Variants in TMEM63A observed in about 807,000 individuals in gnomAD.
The protein encoded by TMEM63A is mechanosensitive cation channel TMEM63A.
A neutral mutation model predicts 100.6 loss-of-function variants in TMEM63A; 76 were observed. That is an observed-to-expected ratio of 0.76 (90% confidence interval 0.63 to 0.91). The LOEUF is 0.91. Among genes scored for constraint, TMEM63A ranks in the 40% least tolerant of loss-of-function variants. The probability of loss-of-function intolerance (pLI) is 0.00; values close to 1 mark genes in which losing one functional copy is unlikely to be tolerated. For missense variants in TMEM63A, 876 were observed against 1,008.8 expected (o/e 0.87, Z 1.78); for synonymous variants, 401 against 401.1 (o/e 1.00, Z 0.00).
intron 18 of TMEM63A, among the ~76,000 whole-genome samples, chr1:225,854,935 G>T (rs1258060804): frequency 6.6e-6 from 1 of 152,172 alleles, no homozygotes; most frequent in Admixed American, 6.5e-5. Context: ...GAGGAGGAAG[G>T]CTCGGATAAA....
At chr1:225,841,191 T>G (rs2102767817), downstream of TMEM63A, 1 of 152,364 alleles carries the variant, frequency 6.6e-6, no homozygotes, top group Non-Finnish European at 1.5e-5. Context: ...TTAAGTCCTA[T>G]GAATAGAATC....
intron 2 of TMEM63A, among the ~76,000 whole-genome samples, chr1:225,878,828 A>G (rs1057141895): frequency 6.6e-6 from 1 of 151,748 alleles, no homozygotes; most frequent in Non-Finnish European, 1.5e-5. Flanking sequence ...GGTAACCCCT[A>G]GGCCTAGAGT....
downstream of TMEM63A, chr1:225,844,486 C>T (rs1023739056): frequency 1.5e-5 from 25 of 1,613,980 alleles, no homozygotes; most frequent in Middle Eastern, 9.9e-4. Context: ...GCTTTGTGTT[C>T]TGCGTTCCCA....
At chr1:225,866,541 C>A (rs1474886935) in intron 9 of TMEM63A, 33 bp downstream of exon 9, 2 of 1,600,478 alleles carry the variant, frequency 1.2e-6, no homozygotes, top group Admixed American at 1.7e-5. Context: ...TGAGTCCCTC[C>A]CAGCACATGT....
chr1:225,881,353 C>A (rs1325308326), intron 1 of TMEM63A, among the ~76,000 whole-genome samples: 1 of 151,994 alleles, frequency 6.6e-6, no homozygotes, highest in Non-Finnish European at 1.5e-5. Flanking sequence ...CCAAACAACA[C>A]CTGTAAAGCA....
intron 18 of TMEM63A, among the ~76,000 whole-genome samples, chr1:225,854,354 G>A (rs1424378874): frequency 6.6e-6 from 1 of 152,176 alleles, no homozygotes; most frequent in East Asian, 1.9e-4. Flanking sequence ...AATGGGGTCA[G>A]GGAGACTACA....
intron 13 of TMEM63A, chr1:225,861,209 G>A (rs1669917101): frequency 2.4e-6 from 1 of 425,442 alleles, no homozygotes; most frequent in Non-Finnish European, 4.1e-6. Flanking sequence ...CAGCAACAAA[G>A]GGAGTACGAT....
At chr1:225,850,683 G>A (rs776722360) in intron 20 of TMEM63A, among the ~76,000 whole-genome samples, 8 of 152,262 alleles carry the variant, frequency 5.3e-5, no homozygotes, top group East Asian at 3.9e-4. Flanking sequence ...CCCCTTAGCC[G>A]CACTGACAGG....
At chr1:225,875,529 ACT>A (rs1346781653) in intron 3 of TMEM63A, among the ~76,000 whole-genome samples, 1 of 152,212 alleles carries the variant, frequency 6.6e-6, no homozygotes, top group Non-Finnish European at 1.5e-5. Context: ...CCCCAGAGGC[ACT>A]GAGTTCTCGT....
chr1:225,853,375 G>A lies in TMEM63A; in HGVS notation c.1797+254C>T, dbSNP rs1054746254. Among the ~76,000 whole-genome samples the A allele has an allele frequency of 2.6e-5, 4 of 152,228 alleles. No homozygotes were observed. Among genetic ancestry groups the A allele is most frequent in the Non-Finnish European group, 5.9e-5 (4 of 68,046 alleles). On this transcript the variant is annotated intron_variant, in intron 19 of 24. Coordinates refer to ENST00000366835, the MANE Select transcript of TMEM63A (RefSeq NM_014698.3). This position sits in a 1 kb window ranked among gnomAD's most constrained non-coding sequence, Gnocchi z 4.0. Reference sequence around the variant, plus strand: ...GTTGGTTTGAGTTGTATGTATGTATGTGTGCGATCAAACCGTTTCAAATGC... The same window carrying A: ...GTTGGTTTGAGTTGTATGTATGTATATGTGCGATCAAACCGTTTCAAATGC...
chr1:225,856,894 G>A lies in TMEM63A; in HGVS notation c.1484+17C>T. On this transcript the variant is annotated intron_variant, in intron 16 of 24. Coordinates refer to ENST00000366835, the MANE Select transcript of TMEM63A (RefSeq NM_014698.3). ...ATCCTTCTTAGGGGCAGGGCCTCGGGGCTCCCGGGCACTCACTTGGTCCAG... is the reference window on the plus strand; with the variant it reads ...ATCCTTCTTAGGGGCAGGGCCTCGGAGCTCCCGGGCACTCACTTGGTCCAG... The A allele has an allele frequency of 1.9e-6, 3 of 1,608,116 alleles. No individual in the cohort carries two copies. The highest frequency in any genetic ancestry group is 2.5e-6 in the Non-Finnish European group (3 of 1,177,422).
chr1:225,845,330 G>T, downstream of TMEM63A: 6 of 1,610,908 alleles, frequency 3.7e-6, no homozygotes, highest in Non-Finnish European at 5.1e-6. Flanking sequence ...GTTCCTGTCG[G>T]TGCTGGAGCG....
downstream of TMEM63A, among the ~76,000 whole-genome samples, chr1:225,843,017 C>T (rs1668558187): frequency 6.6e-6 from 1 of 152,214 alleles, no homozygotes; most frequent in African/African-American, 2.4e-5. Flanking sequence ...CCTTCAGTGA[C>T]ACACAGGACC....
intron 10 of TMEM63A, chr1:225,863,216 T>C (rs1318294075): frequency 4.1e-6 from 1 of 243,208 alleles, no homozygotes; most frequent in Non-Finnish European, 8.2e-6. Flanking sequence ...ACCAGGCTGA[T>C]TTTTATTTTT....
At position 225,862,144 on chromosome 1, in the gene TMEM63A, C is replaced by T. The variant is rs528939547; in HGVS notation, c.1085+74G>A. On this transcript the variant is annotated intron_variant, in intron 13 of 24. Coordinates refer to ENST00000366835, the MANE Select transcript of TMEM63A (RefSeq NM_014698.3). This position sits in a 1 kb window ranked among gnomAD's most constrained non-coding sequence, Gnocchi z 5.1. ...GTGGGTCAGCAGTACCATCTCCACTCGAGAGGGACAGTGAGTTATCTGGAG... is the reference window on the plus strand; with the variant it reads ...GTGGGTCAGCAGTACCATCTCCACTTGAGAGGGACAGTGAGTTATCTGGAG... 6 of 1,584,508 alleles carry T rather than the reference C, an allele frequency of 3.8e-6. No homozygotes were observed. The highest frequency in any genetic ancestry group is 3.4e-5 in the Admixed American group (2 of 58,522).
chr1:225,847,802 G>A (rs762139698), intron 23 of TMEM63A, among the ~76,000 whole-genome samples: 3 of 152,160 alleles, frequency 2.0e-5, no homozygotes, highest in Non-Finnish European at 2.9e-5. Flanking sequence ...TTTGGAACTT[G>A]TCCAAGGACA....
chr1:225,852,773 G>C lies in TMEM63A; in HGVS notation c.1798-4C>G. ...ACTCGTACTGGAAGGCCTGGTTCTG[G>C]GAGGAGGAGGTGGTGAGGAGCTCAT... On this transcript the variant is annotated splice_region_variant and splice_polypyrimidine_tract_variant and intron_variant, in intron 19 of 24. Coordinates refer to ENST00000366835, the MANE Select transcript of TMEM63A (RefSeq NM_014698.3). 6.2e-7 allele frequency: 1 copy of C among 1,613,626 alleles called. No individual in the cohort carries two copies. The highest frequency in any genetic ancestry group is 8.5e-7 in the Non-Finnish European group (1 of 1,179,684).
At position 225,854,682 on chromosome 1, in the gene TMEM63A, C is replaced by A. The variant is rs1674537138; in HGVS notation, c.1635-891G>T. Among the ~76,000 whole-genome samples the A allele has an allele frequency of 2.6e-5, 4 of 152,284 alleles. No individual in the cohort carries two copies. The South Asian group carries it at 8.3e-4, about 32-fold the overall frequency. ...GAGTTTGAGGTGGGCAGTTGGGTTA[C>A]CAGCCTGGAGGTGCAGGCTAGAGGC... On this transcript the variant is annotated intron_variant, in intron 18 of 24. Transcript: ENST00000366835.
At position 225,876,664 on chromosome 1, in the gene TMEM63A, T is replaced by C. The variant is rs577250272; in HGVS notation, c.186+731A>G. Among the ~76,000 whole-genome samples, 749 of 150,964 alleles carry C rather than the reference T, an allele frequency of 5.0e-3. 5 individuals are homozygous for C. The highest frequency in any genetic ancestry group is 0.017 in the African/African-American group (709 of 41,336). The stretch of plus-strand genomic sequence containing the variant: ...CTTTTTTTTGTTTTTTTGGTTTTTT[T>C]TGAGACAGCGTCTCGCTCTTGTTGC... On this transcript the variant is annotated intron_variant, in intron 3 of 24. Coordinates refer to ENST00000366835, the MANE Select transcript of TMEM63A (RefSeq NM_014698.3).
Sources: allele counts gnomAD v4.1 joint callset (sites outside exome capture counted in the v4.1 genomes callset), GRCh38; gene constraint gnomAD v4.1.1; non-coding constraint Gnocchi (gnomAD v3.1); transcripts MANE v1.5; gene names NCBI Gene and HGNC (gene_info 2026-07-23, HGNC 2026-07-21).